Variants in LGMN observed in about 807,000 individuals in gnomAD.
The protein encoded by LGMN is asparaginyl endopeptidase.
Under a neutral mutation model 56.8 loss-of-function variants are expected in LGMN, and 36 were observed. The ratio of observed to expected loss-of-function variants is 0.63; its 90% CI spans 0.49 to 0.84. LGMN has a LOEUF of 0.84. Ranked by LOEUF, LGMN falls within the 40% of genes least tolerant of loss-of-function variation. The probability of loss-of-function intolerance (pLI) is 0.00; values close to 1 mark genes in which losing one functional copy is unlikely to be tolerated. For missense variants in LGMN, 446 were observed against 556.1 expected (o/e 0.80, Z 1.99); for synonymous variants, 199 against 210.1 (o/e 0.95, Z 0.46).
intron 5 of LGMN, chr14:92,715,824 G>C (rs745569753): frequency 4.6e-5 from 9 of 196,500 alleles, no homozygotes; most frequent in Non-Finnish European, 7.4e-5. Context: ...CCTGCCTCAG[G>C]GGCTCCGCTG....
chr14:92,713,059 T>A (rs1015004445), intron 7 of LGMN, among the ~76,000 whole-genome samples, 188 bp from the exon 8 acceptor site: 26 of 152,204 alleles, frequency 1.7e-4, no homozygotes, highest in Admixed American at 8.5e-4. Context: ...AATTTATTCA[T>A]TGCTAATGGA....
At chr14:92,738,193 T>C (rs936162990) in intron 1 of LGMN, among the ~76,000 whole-genome samples, 2 of 152,148 alleles carry the variant, frequency 1.3e-5, no homozygotes, top group African/African-American at 2.4e-5. Context: ...ACCACTTGGT[T>C]ATTTTTACAA....
chr14:92,705,769 G>A (rs1427362502), intron 12 of LGMN, among the ~76,000 whole-genome samples: 4 of 151,822 alleles, frequency 2.6e-5, no homozygotes, highest in Non-Finnish European at 4.4e-5. Context: ...TTGGGATTAC[G>A]GGCGTGCACC....
At chr14:92,738,369 C>T (rs1423378030) in intron 1 of LGMN, among the ~76,000 whole-genome samples, 2 of 151,350 alleles carry the variant, frequency 1.3e-5, no homozygotes, top group Admixed American at 1.3e-4. Context: ...AGCTCTGCCT[C>T]GCAGGTTCAC....
At position 92,711,871 on chromosome 14, in the gene LGMN, C is replaced by T. The variant is rs1324401726; in HGVS notation, c.695G>A (p.Trp232Ter). 1 of 1,614,000 alleles carries T rather than the reference C, an allele frequency of 6.2e-7. No homozygotes were observed. The highest frequency in any genetic ancestry group is 1.3e-5 in the African/African-American group (1 of 74,940). The change falls in exon 9 of 14, where the codon TGG becomes TAG. Residue 232 changes from tryptophan to a stop codon, truncating the protein, a stop_gained. Coordinates refer to ENST00000334869, the MANE Select transcript of LGMN (RefSeq NM_005606.7). LOFTEE classifies it high-confidence loss of function. ...DEKRSTYLGD[W>*]YSVNWMEDSD... is the part of the protein sequence containing the mutation. ...ATCTTCCATCCAGTTGACGCTGTAC[C>T]AGTCCCCCAGGTACGTGGACCTCTT...
In LGMN at chr14:92,717,516, C is replaced by T. The variant is rs562954862; in HGVS notation, c.237-55G>A. ...GATGTGGCATGCCTCCGAAATCTCTCTCTTCAAACACATGTATGTTATGCG... is the reference window on the plus strand; with the variant it reads ...GATGTGGCATGCCTCCGAAATCTCTTTCTTCAAACACATGTATGTTATGCG... On this transcript the variant is annotated intron_variant, in intron 3 of 13. Coordinates refer to ENST00000334869, the MANE Select transcript of LGMN (RefSeq NM_005606.7). The T allele has an allele frequency of 2.9e-5, 37 of 1,264,306 alleles. No homozygotes were observed. The East Asian group carries it at 8.6e-4, about 29-fold the overall frequency. The allele number at this position is 1,264,306 out of a possible 1,614,324, so 78.3% of individuals were successfully genotyped here. A position where few individuals can be genotyped will look rare whatever the true frequency, so the allele number is the denominator to read the frequency against.
chr14:92,714,608 G>A lies in LGMN; in HGVS notation c.405-157C>T, dbSNP rs986615916. On this transcript the variant is annotated intron_variant, in intron 5 of 13. Transcript: ENST00000334869. The surrounding 1 kb of genome is among the most constrained non-coding windows in gnomAD (Gnocchi z 5.1). ...ACAAGGGCCCGGTGCCCGGTGTCTG[G>A]CCTGTCCCCTCCACTCCCCTTGGTG... is the stretch of plus-strand genomic sequence containing the variant. Among the ~76,000 whole-genome samples the A allele has an allele frequency of 1.3e-5, 2 of 152,100 alleles. No homozygotes were observed. Among genetic ancestry groups the A allele is most frequent in the African/African-American group, 4.8e-5 (2 of 41,428 alleles).
At chr14:92,738,500 G>A (rs1473253678) in intron 1 of LGMN, among the ~76,000 whole-genome samples, 3 of 151,174 alleles carry the variant, frequency 2.0e-5, no homozygotes, top group African/African-American at 4.9e-5. Context: ...GGATGGTCTC[G>A]ATCTCCTGAC....
intron 1 of LGMN, among the ~76,000 whole-genome samples, chr14:92,744,822 G>C (rs1891748869): frequency 6.6e-6 from 1 of 152,082 alleles, no homozygotes; most frequent in Non-Finnish European, 1.5e-5. Flanking sequence ...TTGAACTCCT[G>C]ACCTCAGGTG....
intron 2 of LGMN, among the ~76,000 whole-genome samples, chr14:92,720,572 T>C (rs12589367): frequency 0.14 from 20,824 of 152,130 alleles, 2,347 homozygotes; most frequent in African/African-American, 0.29. Flanking sequence ...GAGGCTGAGG[T>C]GGGAGAATCT....
rs578070667 is a variant in LGMN, at chr14:92,735,663, A to G, written c.-29-2848T>C. Among the ~76,000 whole-genome samples the G allele has an allele frequency of 3.3e-5, 5 of 152,286 alleles. No homozygotes were observed. The South Asian group carries it at 6.2e-4, about 19-fold the overall frequency. ...AGACTACACTGCTCCACCCTCAAGCACTGCCTCCTAACAGGAACTTAATTC... is the reference window on the plus strand; with the variant it reads ...AGACTACACTGCTCCACCCTCAAGCGCTGCCTCCTAACAGGAACTTAATTC... On this transcript the variant is annotated intron_variant, in intron 1 of 13. Coordinates refer to ENST00000334869, the MANE Select transcript of LGMN (RefSeq NM_005606.7).
chr14:92,709,964 G>T (rs1417694583), intron 10 of LGMN, 92 bp from the exon 11 acceptor site: 2 of 1,073,206 alleles, frequency 1.9e-6, no homozygotes, highest in African/African-American at 1.6e-5. Context: ...GCTGGTTTGA[G>T]TGGGAGGAGC....
In LGMN at chr14:92,714,362, T is replaced by C; in HGVS notation, c.480+14A>G. On this transcript the variant is annotated intron_variant, in intron 6 of 13. Coordinates refer to ENST00000334869, the MANE Select transcript of LGMN (RefSeq NM_005606.7). This position sits in a 1 kb window ranked among gnomAD's most constrained non-coding sequence, Gnocchi z 5.1. ...GTTCTGCTAGTTTGTCCTTAAAACGTTAAGAAAACTCACATCTTCATTGGG... is the reference window on the plus strand; with the variant it reads ...GTTCTGCTAGTTTGTCCTTAAAACGCTAAGAAAACTCACATCTTCATTGGG... 1 of 1,568,750 alleles carries C rather than the reference T, an allele frequency of 6.4e-7. No homozygotes were observed.
chr14:92,732,664 A>G lies in LGMN; in HGVS notation c.123T>C (p.Tyr41=). The change falls in exon 2 of 14, where the codon TAT becomes TAC. Residue 41 remains tyrosine (Y), a synonymous_variant. Coordinates refer to ENST00000334869, the MANE Select transcript of LGMN (RefSeq NM_005606.7). ...ATTTTCTTACCTGGTGCCTATAATT[A>G]TACCAGCCATTTGAACCTGCCACGA... ...VVIVAGSNGW[Y]NYRHQADACH... 1 of 1,614,108 alleles carries G rather than the reference A, an allele frequency of 6.2e-7. No homozygotes were observed. Among genetic ancestry groups the G allele is most frequent in the Non-Finnish European group, 8.5e-7 (1 of 1,180,016 alleles).
intron 7 of LGMN, among the ~76,000 whole-genome samples, chr14:92,713,197 C>A (rs3818319): frequency 6.6e-6 from 1 of 152,072 alleles, no homozygotes; most frequent in Admixed American, 6.5e-5. Flanking sequence ...CATCTTTCTG[C>A]GTTACTGTCA....
chr14:92,734,177 C>T (rs1390624303), intron 1 of LGMN, among the ~76,000 whole-genome samples: 1 of 151,564 alleles, frequency 6.6e-6, no homozygotes, highest in African/African-American at 2.4e-5. Context: ...CATTTTCATC[C>T]TTGTTTTACA....
At chr14:92,719,254 ACCACCGCCACCGCCG>A (rs1566924170) in intron 2 of LGMN, among the ~76,000 whole-genome samples, 2 of 30,626 alleles carry the variant, frequency 6.5e-5, no homozygotes, top group Non-Finnish European at 9.4e-5. Flanking sequence ...CGCCACCACC[ACCACCGCCACCGCCG>A]CCGCCGCCAC....
At chr14:92,733,375 T>C (rs539616880) in intron 1 of LGMN, among the ~76,000 whole-genome samples, 1 of 152,070 alleles carries the variant, frequency 6.6e-6, no homozygotes, top group South Asian at 2.1e-4. Context: ...TAAAAGAATA[T>C]CCAGAAAGGG....
rs1595521990 is a variant in LGMN at position 92,705,054 on chromosome 14, C to T, written c.1192-347G>A. On this transcript the variant is annotated intron_variant, in intron 12 of 13. Transcript: ENST00000334869. ...TTTGATTCTGGGAGGGACACGCCAG[C>T]GAGGGAGATGGACGGCGTGTGAAAG... 1.4e-5 allele frequency: 4 copies of T among 277,028 alleles called. No individual in the cohort carries two copies. In the East Asian group the frequency reaches 2.0e-4, roughly 14 times the overall value. 17.2% of individuals were successfully genotyped at this position (277,028 alleles called of 1,614,324 possible).
Sources: allele counts gnomAD v4.1 joint callset (sites outside exome capture counted in the v4.1 genomes callset), GRCh38; gene constraint gnomAD v4.1.1; non-coding constraint Gnocchi (gnomAD v3.1); transcripts MANE v1.5; gene names NCBI Gene and HGNC (gene_info 2026-07-23, HGNC 2026-07-21).